Variants in MAP2 observed in about 807,000 individuals in gnomAD.
The protein encoded by MAP2 is microtubule-associated protein 2.
Under a neutral mutation model 137.6 loss-of-function variants are expected in MAP2, and 14 were observed. That is an observed-to-expected ratio of 0.10 (90% CI 0.07 to 0.16). The LOEUF is 0.16. Ranked by LOEUF, MAP2 falls within the 10% of genes least tolerant of loss-of-function variation. The pLI, the probability that MAP2 is intolerant of heterozygous loss-of-function variation, is 1.00. For synonymous variants in MAP2, 786 were observed against 782.3 expected (o/e 1.00, Z -0.08); for missense variants, 2,088 against 2,191.5 (o/e 0.95, Z 0.94).
intron 2 of MAP2, among the ~76,000 whole-genome samples, chr2:209,563,275 G>A (rs887254856): frequency 6.6e-5 from 10 of 152,124 alleles, no homozygotes; most frequent in Non-Finnish European, 1.3e-4. Context: ...TATAATGAAA[G>A]TAACCACCTC....
chr2:209,601,308 G>T (rs949160342), intron 3 of MAP2, among the ~76,000 whole-genome samples: 1 of 150,782 alleles, frequency 6.6e-6, no homozygotes, highest in Non-Finnish European at 1.5e-5. Flanking sequence ...TAATAATGTA[G>T]GATTTTATTT....
chr2:209,628,963 C>A (rs560428687), intron 4 of MAP2, among the ~76,000 whole-genome samples: 1 of 152,272 alleles, frequency 6.6e-6, no homozygotes, highest in East Asian at 1.9e-4. Context: ...TTAAGGATTC[C>A]TTTGGTTTGT....
intron 5 of MAP2, among the ~76,000 whole-genome samples, chr2:209,656,888 T>C (rs988042239): frequency 8.5e-5 from 13 of 152,160 alleles, no homozygotes; most frequent in African/African-American, 3.1e-4. Flanking sequence ...ATAGTGAACA[T>C]TGTACTCAAT....
chr2:209,623,668 C>A (rs960375532), intron 3 of MAP2, among the ~76,000 whole-genome samples: 4 of 151,922 alleles, frequency 2.6e-5, no homozygotes, highest in African/African-American at 7.3e-5. Flanking sequence ...CTTAAAAATT[C>A]TCTAAATAGT....
rs576303806 is a variant in MAP2 at position 209,551,455 on chromosome 2, A to G, written c.-171-28581A>G. Among the ~76,000 whole-genome samples, 9 of 152,328 alleles carry G rather than the reference A, an allele frequency of 5.9e-5. No individual in the cohort carries two copies. The South Asian group carries it at 1.7e-3, about 28-fold the overall frequency. On this transcript the variant is annotated intron_variant, in intron 2 of 15. Coordinates refer to ENST00000682079, the MANE Select transcript of MAP2 (RefSeq NM_001375505.1). The stretch of plus-strand genomic sequence containing the variant: ...GCATTCACTTGATAAGATACATTTC[A>G]TAATTTTTAAAAAGTGATTTCATTT...
At chr2:209,723,005 G>C (rs946482581) in intron 13 of MAP2, among the ~76,000 whole-genome samples, 2 of 152,180 alleles carry the variant, frequency 1.3e-5, no homozygotes, top group African/African-American at 2.4e-5. Context: ...CAAGGGAATT[G>C]TGAAACCCAA....
chr2:209,661,842 CTT>C (rs1334597000), intron 5 of MAP2, among the ~76,000 whole-genome samples: 25 of 152,056 alleles, frequency 1.6e-4, no homozygotes, highest in Admixed American at 1.6e-3. Flanking sequence ...AGAATTGTGT[CTT>C]TTATTCTTGA....
chr2:209,603,406 C>T (rs975611418), intron 3 of MAP2, among the ~76,000 whole-genome samples: 53 of 152,116 alleles, frequency 3.5e-4, no homozygotes, highest in Admixed American at 2.0e-3. Context: ...GATGTAGAAA[C>T]TTCGGCGGTG....
At chr2:209,611,239 T>A (rs1400429276) in intron 3 of MAP2, among the ~76,000 whole-genome samples, 1 of 152,084 alleles carries the variant, frequency 6.6e-6, no homozygotes, top group African/African-American at 2.4e-5. Context: ...ATTGAGCACT[T>A]GTGAGGAATG....
At chr2:209,626,499 G>T (rs184816216) in intron 4 of MAP2, among the ~76,000 whole-genome samples, 1 of 152,088 alleles carries the variant, frequency 6.6e-6, no homozygotes, top group Admixed American at 6.6e-5. Flanking sequence ...TTAAAATCTT[G>T]TCTAAAAAAA....
chr2:209,648,095 A>C (rs2094524449), intron 4 of MAP2, among the ~76,000 whole-genome samples: 1 of 146,950 alleles, frequency 6.8e-6, no homozygotes, highest in Non-Finnish European at 1.5e-5. Context: ...AGATGTTTAA[A>C]CGTCTTGGAT....
At chr2:209,567,214 C>A (rs2153365251) in intron 2 of MAP2, among the ~76,000 whole-genome samples, 1 of 152,190 alleles carries the variant, frequency 6.6e-6, no homozygotes, top group African/African-American at 2.4e-5. Context: ...TAACATTATT[C>A]ATTGTACCCA....
chr2:209,571,933 A>C (rs2074459679), intron 2 of MAP2, among the ~76,000 whole-genome samples: 1 of 151,930 alleles, frequency 6.6e-6, no homozygotes, highest in Admixed American at 6.6e-5. Context: ...AAATAAAAGC[A>C]CTGATGGAAT....
At chr2:209,625,274 T>C (rs2153531862) in intron 4 of MAP2, 145 bp downstream of exon 4, 1 of 152,276 alleles carries the variant, frequency 6.6e-6, no homozygotes, top group African/African-American at 2.4e-5. Context: ...TTCTAATATT[T>C]TAATAGTTAT....
At chr2:209,483,383 G>A (rs1487713425) in intron 1 of MAP2, among the ~76,000 whole-genome samples, 4 of 152,126 alleles carry the variant, frequency 2.6e-5, no homozygotes, top group Admixed American at 6.5e-5. Context: ...TATTTAGCCT[G>A]GGCAACACAG....
chr2:209,521,005 T>C (rs1341900148), intron 2 of MAP2, among the ~76,000 whole-genome samples: 6 of 152,088 alleles, frequency 3.9e-5, no homozygotes, highest in African/African-American at 1.4e-4. Flanking sequence ...GCATAGTATC[T>C]TTCTTCTTTT....
chr2:209,705,198 A>G (rs985204811), intron 11 of MAP2, among the ~76,000 whole-genome samples: 3 of 152,090 alleles, frequency 2.0e-5, no homozygotes, highest in African/African-American at 7.2e-5. Context: ...GGTAATGGTC[A>G]TTGTTAGAAA....
intron 2 of MAP2, among the ~76,000 whole-genome samples, chr2:209,547,435 AG>A (rs1372507695): frequency 3.3e-5 from 5 of 152,306 alleles, no homozygotes; most frequent in African/African-American, 9.6e-5. Flanking sequence ...CATAATCTTC[AG>A]GGTAAATGAG....
chr2:209,614,264 G>A (rs1191288972), intron 3 of MAP2, among the ~76,000 whole-genome samples: 1 of 152,080 alleles, frequency 6.6e-6, no homozygotes, highest in South Asian at 2.1e-4. Context: ...GAGCACAAAG[G>A]ATGGGGAATT....
Sources: gnomAD v4.1 joint callset for allele counts (sites outside exome capture counted in the v4.1 genomes callset) on GRCh38, gnomAD v4.1.1 for gene constraint, MANE v1.5 for transcripts, NCBI Gene and HGNC (gene_info 2026-07-23, HGNC 2026-07-21) for gene names.